Variants in FGD4 observed in about 807,000 individuals in gnomAD.
FGD4 encodes the protein FYVE, RhoGEF and PH domain containing 4.
FGD4 carries 42 observed loss-of-function variants against 102.0 expected under a neutral mutation model. The observed-to-expected ratio is 0.41, with a 90% confidence interval of 0.32 to 0.53. The LOEUF is 0.53. Among genes scored for constraint, FGD4 ranks in the 20% least tolerant of loss-of-function variants. FGD4 has a pLI of 0.21. For synonymous variants in FGD4, 380 were observed against 375.7 expected, an observed-to-expected ratio of 1.01 and a Z score of -0.13; for missense variants, 902 against 1,078.2, an observed-to-expected ratio of 0.84 and a Z score of 2.29.
chr12:32,449,786 A>G (rs1014921540), intron 1 of FGD4, among the ~76,000 whole-genome samples: 20 of 152,104 alleles, frequency 1.3e-4, no homozygotes, highest in Middle Eastern at 3.4e-3. Context: ...TGCCCAGCCT[A>G]AAGTGCAGTG....
chr12:32,610,823 A>T lies in FGD4; in HGVS notation c.1591A>T (p.Ile531Leu). The stretch of plus-strand genomic sequence containing the variant: ...AGCAGCAAGCCATTCTAATAGTGCA[A>T]TAAGGAAAATGGTAAGTGGTTTTCG... ...STAASHSNSA[I>L]RKMENLKKLL... Residue 531 changes from isoleucine (I) to leucine (L), a missense_variant, in exon 9 of 17, where the codon ATA becomes TTA. Coordinates refer to ENST00000534526, the MANE Select transcript of FGD4 (RefSeq NM_001370298.3). The T allele has an allele frequency of 6.2e-7, 1 of 1,613,758 alleles. No individual in the cohort carries two copies. Among genetic ancestry groups the T allele is most frequent in the South Asian group, 1.1e-5 (1 of 91,076 alleles).
At chr12:32,481,818 CAA>C (rs35076375) in intron 1 of FGD4, among the ~76,000 whole-genome samples, 259 of 129,978 alleles carry the variant, frequency 2.0e-3, no homozygotes, top group Middle Eastern at 7.9e-3. Context: ...AAGACTGTCT[CAA>C]AAAAAAAAAA....
At chr12:32,572,110 A>G (rs1382471821) in intron 2 of FGD4, among the ~76,000 whole-genome samples, 1 of 152,158 alleles carries the variant, frequency 6.6e-6, no homozygotes, top group Non-Finnish European at 1.5e-5. Flanking sequence ...ATACATACAC[A>G]CACACGCATA....
chr12:32,485,389 A>G (rs1483146804), intron 1 of FGD4, among the ~76,000 whole-genome samples: 1 of 151,072 alleles, frequency 6.6e-6, no homozygotes, highest in African/African-American at 2.4e-5. Context: ...TATTTCTTAC[A>G]ATTTTCTGAT....
rs766350864 is a variant in FGD4 at position 32,633,616 on chromosome 12, T to C, written c.2240T>C (p.Val747Ala). ...TATGATGGTGGTAAATTGAGCAAAGTTTGTAAAGACTGTTATCAAATCATA... is the reference window on the plus strand; with the variant it reads ...TATGATGGTGGTAAATTGAGCAAAGCTTGTAAAGACTGTTATCAAATCATA... ...LEYDGGKLSK[V>A]CKDCYQIISG... is the part of the protein sequence containing the mutation. Residue 747 changes from valine to alanine, a missense_variant, in exon 15 of 17, where the codon GTT (valine) becomes GCT (alanine). Physicochemically the swap from Val to Ala is moderately conservative, Grantham distance 64. Transcript: ENST00000534526. The C allele has an allele frequency of 6.2e-7, 1 of 1,613,722 alleles. No homozygotes were observed. The highest frequency in any genetic ancestry group is 1.7e-5 in the Admixed American group (1 of 60,020).
chr12:32,628,806 A>C (rs954689689), intron 14 of FGD4, among the ~76,000 whole-genome samples: 2 of 152,150 alleles, frequency 1.3e-5, no homozygotes, highest in Non-Finnish European at 2.9e-5. Flanking sequence ...TGTAAAGAGC[A>C]ATATGTTTGG....
At chr12:32,457,775 A>G (rs1942984607) in intron 1 of FGD4, among the ~76,000 whole-genome samples, 1 of 152,214 alleles carries the variant, frequency 6.6e-6, no homozygotes, top group Non-Finnish European at 1.5e-5. Flanking sequence ...AGTATGTAGC[A>G]TATAAAAATA....
At chr12:32,520,285 G>A (rs1940366074) in intron 1 of FGD4, among the ~76,000 whole-genome samples, 1 of 152,080 alleles carries the variant, frequency 6.6e-6, no homozygotes, top group African/African-American at 2.4e-5. Flanking sequence ...GAATACAAGA[G>A]CTTTAAAGAG....
intron 1 of FGD4, among the ~76,000 whole-genome samples, chr12:32,512,377 A>G (rs1939465225): frequency 1.3e-5 from 2 of 151,478 alleles, no homozygotes; most frequent in African/African-American, 2.4e-5. Flanking sequence ...AACCTGGGAG[A>G]TGGAGGTTGC....
intron 1 of FGD4, among the ~76,000 whole-genome samples, chr12:32,480,320 C>G (rs1486079759): frequency 8.6e-5 from 13 of 151,650 alleles, no homozygotes; most frequent in African/African-American, 2.2e-4. Context: ...TGCCACCATG[C>G]CCAGCTAATT....
intron 1 of FGD4, among the ~76,000 whole-genome samples, chr12:32,434,009 C>T (rs1435356429): frequency 1.3e-5 from 2 of 152,042 alleles, no homozygotes; most frequent in African/African-American, 4.8e-5. Flanking sequence ...GCATGCACCA[C>T]CACGCCCAGC....
intron 4 of FGD4, among the ~76,000 whole-genome samples, chr12:32,592,364 T>C (rs1159077925): frequency 6.6e-6 from 1 of 151,998 alleles, no homozygotes; most frequent in Non-Finnish European, 1.5e-5. Context: ...TTTGAAAAAC[T>C]ATAAATTATA....
chr12:32,600,312 G>A (rs1459229736), intron 5 of FGD4: 2 of 385,842 alleles, frequency 5.2e-6, no homozygotes, highest in Non-Finnish European at 9.0e-6. Context: ...GTCAGCCACT[G>A]CTGCTGACCT....
intron 1 of FGD4, among the ~76,000 whole-genome samples, chr12:32,462,715 A>C (rs1943141731): frequency 6.6e-6 from 1 of 152,218 alleles, no homozygotes; most frequent in Admixed American, 6.5e-5. Flanking sequence ...TCCAAGGGCC[A>C]GATTCAAAGT....
chr12:32,525,111 C>T (rs1035970089), intron 1 of FGD4, among the ~76,000 whole-genome samples: 3 of 152,190 alleles, frequency 2.0e-5, no homozygotes, highest in Non-Finnish European at 4.4e-5. Flanking sequence ...GCCTCCCCAC[C>T]AGAGGTATCT....
chr12:32,627,896 A>T (rs1053380623), intron 14 of FGD4, among the ~76,000 whole-genome samples: 2 of 152,198 alleles, frequency 1.3e-5, no homozygotes, highest in Non-Finnish European at 2.9e-5. Flanking sequence ...GTCAGTGGAC[A>T]GAAGAATTTC....
rs184384411 is a variant in FGD4, at chr12:32,471,021, A to G, written c.166+71062A>G. On this transcript the variant is annotated intron_variant, in intron 1 of 16. Transcript: ENST00000534526. ...TGTTATTAATGGCTTAGACCCTGTG[A>G]TGGTTAATTTTAGATGTTTCTCTTT... is the stretch of plus-strand genomic sequence containing the variant. Among the ~76,000 whole-genome samples, 48 of 152,218 alleles carry G rather than the reference A, an allele frequency of 3.2e-4. No homozygotes were observed. In the East Asian group the frequency reaches 7.7e-3, roughly 24 times the overall value.
intron 1 of FGD4, among the ~76,000 whole-genome samples, chr12:32,409,370 C>T (rs2253238): frequency 6.0e-5 from 9 of 150,104 alleles, no homozygotes; most frequent in African/African-American, 2.2e-4. Context: ...CTCCCTGCAA[C>T]CTCCGCCTCC....
At position 32,545,602 on chromosome 12, in the gene FGD4, T is replaced by C. The variant is rs146867181; in HGVS notation, c.167-18535T>C. Among the ~76,000 whole-genome samples the C allele has an allele frequency of 6.0e-3, 917 of 152,356 alleles. 8 individuals carry two copies. Among genetic ancestry groups the C allele is most frequent in the African/African-American group, 0.02 (847 of 41,584 alleles). On this transcript the variant is annotated intron_variant, in intron 1 of 16. Transcript: ENST00000534526. ...AAAACTTTATTGACAGAAGCTGGAT[T>C]TGGCCTGTGACCTGTAGGCTGCAGA...
Sources: allele counts gnomAD v4.1 joint callset (sites outside exome capture counted in the v4.1 genomes callset), GRCh38; gene constraint gnomAD v4.1.1; transcripts MANE v1.5; gene names NCBI Gene and HGNC (gene_info 2026-07-23, HGNC 2026-07-21).